Variants in PEAK1 observed in about 807,000 individuals in gnomAD.
PEAK1 encodes the protein pseudopodium enriched atypical kinase 1, also known as inactive tyrosine-protein kinase PEAK1.
PEAK1 carries 54 observed loss-of-function variants against 124.7 expected under a neutral mutation model. The observed-to-expected ratio is 0.43, with a 90% confidence interval of 0.35 to 0.54. PEAK1 has a LOEUF of 0.54. Among genes scored for constraint, PEAK1 ranks in the 20% least tolerant of loss-of-function variants. The pLI, the probability that PEAK1 is intolerant of heterozygous loss-of-function variation, is 0.01. For missense variants in PEAK1, 2,046 were observed against 2,134.5 expected (o/e 0.96, Z 0.82); for synonymous variants, 719 against 760.0 (o/e 0.95, Z 0.89).
chr15:77,214,231 A>C (rs2059036185), intron 6 of PEAK1, among the ~76,000 whole-genome samples: 1 of 152,068 alleles, frequency 6.6e-6, no homozygotes, highest in Non-Finnish European at 1.5e-5. Flanking sequence ...CTGGGTGGGC[A>C]TGTGTTTTCA....
In PEAK1 at chr15:77,221,194, C is replaced by G. The variant is rs541721971; in HGVS notation, c.-115+31173G>C. ...AAACTTTCCACTCTGTCATTGCAGT[C>G]GTGAATGAGCCCAGCAAAGATCATT... On this transcript the variant is annotated intron_variant, in intron 6 of 9. Coordinates refer to ENST00000682557, the MANE Select transcript of PEAK1 (RefSeq NM_001385026.1). 2.6e-5 allele frequency among the ~76,000 whole-genome samples: 4 copies of G among 152,154 alleles called. No individual in the cohort carries two copies. In the South Asian group the frequency reaches 8.3e-4, roughly 31 times the overall value.
intron 2 of PEAK1, among the ~76,000 whole-genome samples, chr15:77,301,594 G>C (rs1339939469): frequency 2.6e-5 from 4 of 152,134 alleles, no homozygotes; most frequent in Non-Finnish European, 5.9e-5. Context: ...GTTTTGGGGA[G>C]AAAAACCACA....
intron 1 of PEAK1, among the ~76,000 whole-genome samples, chr15:77,397,849 C>T (rs1248807932): frequency 2.0e-5 from 3 of 151,962 alleles, no homozygotes; most frequent in African/African-American, 7.3e-5. Context: ...CACCTGAGGT[C>T]GGGAGTTTGA....
intron 1 of PEAK1, among the ~76,000 whole-genome samples, chr15:77,373,193 T>C (rs539530046): frequency 6.6e-6 from 1 of 152,312 alleles, no homozygotes; most frequent in Admixed American, 6.5e-5. Flanking sequence ...CTGAATCCAC[T>C]ATGCTCTCTT....
intron 5 of PEAK1, among the ~76,000 whole-genome samples, chr15:77,282,288 T>C (rs957509939): frequency 2.0e-5 from 3 of 151,868 alleles, no homozygotes; most frequent in African/African-American, 7.2e-5. Flanking sequence ...TTTTAGAAAA[T>C]ATCCTGGCAC....
chr15:77,170,326 G>C (rs2056420826), intron 7 of PEAK1, among the ~76,000 whole-genome samples: 1 of 152,014 alleles, frequency 6.6e-6, no homozygotes, highest in Admixed American at 6.5e-5. Context: ...CCAATTTTAA[G>C]ATAGTCCCAA....
intron 6 of PEAK1, chr15:77,204,902 C>CAA: frequency 5.6e-6 from 1 of 179,482 alleles, no homozygotes; most frequent in Non-Finnish European, 1.1e-5. Flanking sequence ...AGACTCTGTC[C>CAA]AAAAAAAAAG....
chr15:77,151,915 C>T (rs1339421156), intron 8 of PEAK1, among the ~76,000 whole-genome samples: 1 of 151,816 alleles, frequency 6.6e-6, no homozygotes, highest in Non-Finnish European at 1.5e-5. Context: ...TTACTGTAGC[C>T]TTGTAGTAAC....
chr15:77,257,946 A>G (rs370834166), intron 5 of PEAK1, among the ~76,000 whole-genome samples: 14 of 152,226 alleles, frequency 9.2e-5, no homozygotes, highest in East Asian at 3.9e-4. Context: ...TTCTACATAT[A>G]GCTAGCCAGT....
At chr15:77,419,293 C>G in intron 1 of PEAK1, 1 of 985,360 alleles carries the variant, frequency 1.0e-6, no homozygotes, top group Non-Finnish European at 1.2e-6. Flanking sequence ...ACGGATGGTG[C>G]ATGCGACGAG....
chr15:77,225,289 GC>G (rs2059580235), intron 6 of PEAK1, among the ~76,000 whole-genome samples: 1 of 151,854 alleles, frequency 6.6e-6, no homozygotes. Context: ...CTGTTATGTT[GC>G]AATTGCATTG....
rs368372986 is a variant in PEAK1 at position 77,269,106 on chromosome 15, G to GA, written c.-275+14776dup. ...AGGACCTATAAAACAACAACACAAT[G>GA]AAAAAAAAAAAAGGTATTCAGGCAA... On this transcript the variant is annotated intron_variant, in intron 5 of 9. Transcript: ENST00000682557. Among the ~76,000 whole-genome samples, 434 of 131,324 alleles carry GA rather than the reference G, an allele frequency of 3.3e-3. 3 individuals carry two copies. Among genetic ancestry groups the GA allele is most frequent in the South Asian group, 4.8e-3 (20 of 4,208 alleles). The allele number at this position is 131,324 out of a possible 152,430, so 86.2% of individuals were successfully genotyped here.
intron 5 of PEAK1, chr15:77,255,228 T>G: frequency 2.7e-6 from 1 of 376,508 alleles, no homozygotes; most frequent in Non-Finnish European, 3.7e-6. Context: ...AATTTAAAAA[T>G]TGGCCTGATT....
chr15:77,176,917 C>A (rs1019280181), intron 7 of PEAK1, among the ~76,000 whole-genome samples: 1 of 152,178 alleles, frequency 6.6e-6, no homozygotes, highest in Non-Finnish European at 1.5e-5. Flanking sequence ...CAACCATTTG[C>A]TGTTTAAGCT....
intron 9 of PEAK1, among the ~76,000 whole-genome samples, chr15:77,124,058 T>C (rs2052159143): frequency 6.6e-6 from 1 of 152,256 alleles, no homozygotes; most frequent in Non-Finnish European, 1.5e-5. Context: ...TAACTCACTG[T>C]GTCTGGCATT....
intron 2 of PEAK1, among the ~76,000 whole-genome samples, chr15:77,298,270 A>G (rs200447362): frequency 1.7e-5 from 2 of 114,942 alleles, no homozygotes; most frequent in African/African-American, 3.5e-5. Context: ...CCAGGCTGGA[A>G]TGCAGTGGCA....
intron 7 of PEAK1, among the ~76,000 whole-genome samples, chr15:77,166,785 G>A (rs1167503856): frequency 1.3e-5 from 2 of 152,036 alleles, no homozygotes; most frequent in African/African-American, 2.4e-5. Flanking sequence ...TTCTAGATGA[G>A]AAAACTGGTA....
At position 77,348,563 on chromosome 15, in the gene PEAK1, T is replaced by C. The variant is rs2067011648; in HGVS notation, c.-603+16600A>G. On this transcript the variant is annotated intron_variant, in intron 2 of 9. Coordinates refer to ENST00000682557, the MANE Select transcript of PEAK1 (RefSeq NM_001385026.1). ...GAAATAAAAGCTTGGCAAGCTTAAG[T>C]GACCAGCCCAGAGTTGAAAAAGCAG... 7 of 968,592 alleles carry C rather than the reference T, an allele frequency of 7.2e-6. No individual in the cohort carries two copies. The East Asian group carries it at 6.9e-4, about 95-fold the overall frequency. The allele number at this position is 968,592 out of a possible 1,614,324, so 60.0% of individuals were successfully genotyped here.
intron 2 of PEAK1, among the ~76,000 whole-genome samples, chr15:77,357,284 T>A (rs1949269): frequency 0.077 from 11,685 of 152,288 alleles, 558 homozygotes; most frequent in Non-Finnish European, 0.1. Context: ...TTGTTTTCTT[T>A]TTTTAAATGA....
Sources: allele counts gnomAD v4.1 joint callset (sites outside exome capture counted in the v4.1 genomes callset), GRCh38; gene constraint gnomAD v4.1.1; transcripts MANE v1.5; gene names NCBI Gene and HGNC (gene_info 2026-07-23, HGNC 2026-07-21).